The following CLNK variants were observed in gnomAD, a reference collection of about 807,000 sequenced individuals.
The protein encoded by CLNK is cytokine dependent hematopoietic cell linker, also known as cytokine-dependent hematopoietic cell linker.
Under a neutral mutation model 68.6 loss-of-function variants are expected in CLNK, and 74 were observed. The ratio of observed to expected loss-of-function variants is 1.08; its 90% confidence interval spans 0.89 to 1.31. CLNK has a LOEUF of 1.31. Ranked by LOEUF, CLNK falls within the 50% of genes most tolerant of loss-of-function variation. The pLI, the probability that CLNK is intolerant of heterozygous loss-of-function variation, is 0.00. For missense variants in CLNK, 553 were observed against 515.3 expected (o/e 1.07, Z -0.71); for synonymous variants, 198 against 172.2 (o/e 1.15, Z -1.17).
At chr4:10,645,067 A>C (rs1723457801) in intron 2 of CLNK, among the ~76,000 whole-genome samples, 1 of 152,200 alleles carries the variant, frequency 6.6e-6, no homozygotes, top group Non-Finnish European at 1.5e-5. Context: ...TTATGGGTTG[A>C]CCTGGAGTCA....
chr4:10,555,188 C>A (rs1256678881), intron 8 of CLNK, among the ~76,000 whole-genome samples: 1 of 152,056 alleles, frequency 6.6e-6, no homozygotes, highest in Non-Finnish European at 1.5e-5. Flanking sequence ...TATACATGTT[C>A]ACTAGCCTAG....
chr4:10,709,674 T>C, the CLNK span, among the ~76,000 whole-genome samples: 1 of 152,146 alleles, frequency 6.6e-6, no homozygotes, highest in Non-Finnish European at 1.5e-5. Context: ...GGGCAACAGA[T>C]TGTGGCGGAA....
At chr4:10,670,943 A>G (rs1724604583) in intron 1 of CLNK, among the ~76,000 whole-genome samples, 1 of 152,218 alleles carries the variant, frequency 6.6e-6, no homozygotes, top group Non-Finnish European at 1.5e-5. Context: ...ATATTATTTG[A>G]TTGGTAATAT....
chr4:10,573,366 C>T (rs1672708922), intron 4 of CLNK, among the ~76,000 whole-genome samples: 1 of 152,116 alleles, frequency 6.6e-6, no homozygotes, highest in South Asian at 2.1e-4. Flanking sequence ...CTGGGAGGAA[C>T]AGAATCCTGC....
chr4:10,667,373 ATTT>A lies in CLNK; in HGVS notation c.11+483_11+485del, dbSNP rs57765419. The stretch of plus-strand genomic sequence containing the variant: ...TTTCTTAAACTTTTGAGTCCTGCTA[ATTT>A]TTTTTTTTTTTTTACTATACTATAG... On this transcript the variant is annotated intron_variant, in intron 2 of 18. Transcript: ENST00000226951. Among the ~76,000 whole-genome samples the A allele has an allele frequency of 2.7e-3, 375 of 140,916 alleles. 1 individual carries two copies. Among genetic ancestry groups the A allele is most frequent in the African/African-American group, 7.0e-3 (268 of 38,060 alleles). 92.4% of individuals were successfully genotyped at this position (140,916 alleles called of 152,430 possible).
intron 4 of CLNK, among the ~76,000 whole-genome samples, chr4:10,576,204 C>T (rs1720558223): frequency 6.6e-6 from 1 of 152,202 alleles, no homozygotes; most frequent in Admixed American, 6.5e-5. Context: ...CTCATGGACC[C>T]AGATCCCCAC....
intron 3 of CLNK, among the ~76,000 whole-genome samples, chr4:10,590,665 C>G (rs1229743547): frequency 1.3e-5 from 2 of 152,202 alleles, no homozygotes; most frequent in Non-Finnish European, 2.9e-5. Flanking sequence ...GAAGGCTACT[C>G]TAGAATAAGA....
intron 1 of CLNK, among the ~76,000 whole-genome samples, chr4:10,669,223 C>A (rs1253954177): frequency 6.6e-6 from 1 of 152,180 alleles, no homozygotes; most frequent in Non-Finnish European, 1.5e-5. Flanking sequence ...ACAGTCCCTG[C>A]CCTTAAGCCA....
At chr4:10,625,567 G>A (rs1722635135) in intron 2 of CLNK, among the ~76,000 whole-genome samples, 1 of 152,166 alleles carries the variant, frequency 6.6e-6, no homozygotes, top group African/African-American at 2.4e-5. Context: ...GAGAAGGACA[G>A]ACACAGAGAG....
At chr4:10,591,812 C>T (rs1270612237) in intron 3 of CLNK, among the ~76,000 whole-genome samples, 1 of 152,244 alleles carries the variant, frequency 6.6e-6, no homozygotes, top group Non-Finnish European at 1.5e-5. Context: ...CAGGCCAAGG[C>T]TCATTTTAAA....
At chr4:10,663,594 C>T (rs1724277854) in intron 2 of CLNK, among the ~76,000 whole-genome samples, 1 of 152,106 alleles carries the variant, frequency 6.6e-6, no homozygotes, top group Admixed American at 6.5e-5. Context: ...TATTGTATGT[C>T]TGCATACATA....
intron 18 of CLNK, among the ~76,000 whole-genome samples, chr4:10,496,287 T>C (rs1716806563): frequency 6.6e-6 from 1 of 152,236 alleles, no homozygotes; most frequent in Non-Finnish European, 1.5e-5. Context: ...TGAAGATGCT[T>C]TCTTTAATTG....
At chr4:10,688,673 A>G (rs1335551825), upstream of CLNK, among the ~76,000 whole-genome samples, 10 of 152,288 alleles carry the variant, frequency 6.6e-5, no homozygotes, top group African/African-American at 2.4e-4. Flanking sequence ...TTGTTAATGT[A>G]TAAAATGATA....
chr4:10,546,164 C>A (rs1034652035), intron 8 of CLNK, among the ~76,000 whole-genome samples: 1 of 152,110 alleles, frequency 6.6e-6, no homozygotes, highest in African/African-American at 2.4e-5. Flanking sequence ...TGGGATATAC[C>A]CTTGGTTTTC....
chr4:10,488,078 GC>G lies in CLNK; in HGVS notation c.*2388del, dbSNP rs1256543767. On this transcript the variant is annotated 3_prime_UTR_variant, in exon 19 of 19. Coordinates refer to ENST00000226951, the MANE Select transcript of CLNK (RefSeq NM_052964.4). Reference sequence around the variant, plus strand: ...GTTCAAATACACAAAAATATTGTAAGCTTTTTATTGCAAGATGTTTAATTTC... The same window carrying G: ...GTTCAAATACACAAAAATATTGTAAGTTTTTATTGCAAGATGTTTAATTTC... The G allele has an allele frequency of 2.6e-5, 4 of 152,048 alleles. No individual in the cohort carries two copies. The highest frequency in any genetic ancestry group is 9.7e-5 in the African/African-American group (4 of 41,408). The allele number at this position is 152,048 out of a possible 1,614,324, so 9.4% of individuals were successfully genotyped here.
chr4:10,721,148 C>T, the CLNK span, among the ~76,000 whole-genome samples: 623 of 151,234 alleles, frequency 4.1e-3, 7 homozygotes, highest in African/African-American at 0.014. Flanking sequence ...CAGGTGGTTG[C>T]CAGGGACTGA....
intron 7 of CLNK, among the ~76,000 whole-genome samples, chr4:10,562,205 A>T (rs1719923332): frequency 6.7e-6 from 1 of 150,086 alleles, no homozygotes; most frequent in South Asian, 2.1e-4. Context: ...GGCTCAAATA[A>T]TCCTCCCACC....
At chr4:10,706,876 A>T in the CLNK span, among the ~76,000 whole-genome samples, 1 of 152,146 alleles carries the variant, frequency 6.6e-6, no homozygotes, top group Non-Finnish European at 1.5e-5. Flanking sequence ...AAACTTGGAA[A>T]ACTAAATTTC....
At chr4:10,632,114 T>C (rs569139531) in intron 2 of CLNK, among the ~76,000 whole-genome samples, 5 of 152,314 alleles carry the variant, frequency 3.3e-5, no homozygotes, top group African/African-American at 1.2e-4. Context: ...ACGTAACTCT[T>C]AACATTCAAA....
Sources: gnomAD v4.1 joint callset for allele counts (sites outside exome capture counted in the v4.1 genomes callset) on GRCh38, gnomAD v4.1.1 for gene constraint, MANE v1.5 for transcripts, NCBI Gene and HGNC (gene_info 2026-07-23, HGNC 2026-07-21) for gene names.